Variants in RANBP17 observed in about 807,000 individuals in gnomAD.
The protein encoded by RANBP17 is ran-binding protein 17.
RANBP17 carries 158 observed loss-of-function variants against 141.2 expected under a neutral mutation model. The ratio of observed to expected loss-of-function variants is 1.12; its 90% confidence interval spans 0.98 to 1.28. The LOEUF (loss-of-function observed/expected upper bound fraction) is 1.28, where lower values mean the gene tolerates loss of function less well. Ranked by LOEUF, RANBP17 falls within the 50% of genes most tolerant of loss-of-function variation. RANBP17 has a pLI of 0.00. For synonymous variants in RANBP17, 430 were observed against 450.0 expected (o/e 0.96, Z 0.56); for missense variants, 1,438 against 1,290.7 (o/e 1.11, Z -1.75).
chr5:170,942,599 A>G (rs1484002578), intron 12 of RANBP17, among the ~76,000 whole-genome samples: 2 of 152,244 alleles, frequency 1.3e-5, no homozygotes, highest in South Asian at 2.1e-4. Flanking sequence ...CAAAAGAATA[A>G]TAAGCATTAA....
intron 8 of RANBP17, among the ~76,000 whole-genome samples, chr5:170,915,350 A>G (rs1298058198): frequency 2.6e-5 from 4 of 152,156 alleles, no homozygotes; most frequent in Non-Finnish European, 5.9e-5. Context: ...ATGTAGACCC[A>G]GAAAAACAGA....
At chr5:171,037,506 C>T (rs1307529369) in intron 14 of RANBP17, among the ~76,000 whole-genome samples, 1 of 152,120 alleles carries the variant, frequency 6.6e-6, no homozygotes, top group East Asian at 1.9e-4. Context: ...AACATAAATT[C>T]TTTCCCATGA....
intron 14 of RANBP17, among the ~76,000 whole-genome samples, chr5:171,041,411 T>A (rs2441019): frequency 0.68 from 102,677 of 151,970 alleles, 34,918 homozygotes; most frequent in South Asian, 0.89. Flanking sequence ...TATACATAAT[T>A]TATGTATTTT....
intron 14 of RANBP17, among the ~76,000 whole-genome samples, chr5:171,063,921 G>C (rs568336987): frequency 6.6e-6 from 1 of 152,350 alleles, no homozygotes; most frequent in South Asian, 2.1e-4. Context: ...TCAGACTGCT[G>C]TGCTAGCAGT....
intron 24 of RANBP17, chr5:171,243,120 C>A: frequency 3.7e-6 from 1 of 269,164 alleles, no homozygotes; most frequent in Non-Finnish European, 6.8e-6. Context: ...AACATAACCA[C>A]CACGACCAAT....
chr5:170,862,076 C>A, intron 1 of RANBP17, 25 bp downstream of exon 1: 1 of 1,445,364 alleles, frequency 6.9e-7, no homozygotes, highest in African/African-American at 1.5e-5. Context: ...CGCCGCGGGC[C>A]CGCGCTCCGC....
At position 171,221,843 on chromosome 5, in the gene RANBP17, G is replaced by T; in HGVS notation, c.2422+3G>T. ...TAGTAAAATGGTTTGCACTTATGGTGAGTGTCCTTTTCCATATGTGCCTCT... is the reference window on the plus strand; with the variant it reads ...TAGTAAAATGGTTTGCACTTATGGTTAGTGTCCTTTTCCATATGTGCCTCT... On this transcript the variant is annotated splice_donor_region_variant and intron_variant, in intron 22 of 27. Transcript: ENST00000523189. 1 of 1,547,640 alleles carries T rather than the reference G, an allele frequency of 6.5e-7. No homozygotes were observed. The highest frequency in any genetic ancestry group is 8.9e-7 in the Non-Finnish European group (1 of 1,121,296).
At chr5:170,968,060 C>T (rs776181197) in intron 13 of RANBP17, among the ~76,000 whole-genome samples, 182 bp from the exon 14 acceptor site, 1 of 151,566 alleles carries the variant, frequency 6.6e-6, no homozygotes, top group Non-Finnish European at 1.5e-5. Context: ...TGAATTAGAC[C>T]AAGTAGTAAT....
intron 14 of RANBP17, among the ~76,000 whole-genome samples, chr5:171,029,755 CA>C (rs973134708): frequency 4.1e-4 from 62 of 151,870 alleles, no homozygotes; most frequent in African/African-American, 1.4e-3. Flanking sequence ...TCTTATTTTT[CA>C]AAAAAATTTT....
intron 14 of RANBP17, among the ~76,000 whole-genome samples, chr5:171,012,056 ATTTGTTTAAACGAATATATTGTTTGTTT>A (rs1561986130): frequency 3.0e-4 from 39 of 128,744 alleles, no homozygotes; most frequent in Middle Eastern, 4.0e-3. Flanking sequence ...AAATTATATT[ATTTGTTTAAACGAATATATTGTTTGTTT>A]ATTTGTTTAA....
chr5:171,272,941 A>G (rs988239663), intron 25 of RANBP17, among the ~76,000 whole-genome samples: 2 of 152,164 alleles, frequency 1.3e-5, no homozygotes. Flanking sequence ...ACACCCATTC[A>G]TTAATTTTAT....
At chr5:171,028,894 G>A in intron 14 of RANBP17, 2 of 1,287,870 alleles carry the variant, frequency 1.6e-6, no homozygotes, top group Non-Finnish European at 2.0e-6. Flanking sequence ...TTCCTGTGAA[G>A]GGCTTGTGGC....
At chr5:171,243,801 G>A (rs1300794425) in intron 24 of RANBP17, among the ~76,000 whole-genome samples, 4 of 152,068 alleles carry the variant, frequency 2.6e-5, no homozygotes, top group East Asian at 1.9e-4. Context: ...GGGGCTGGGC[G>A]CGGTGGCTCA....
rs1452293683 is a variant in RANBP17 at position 171,294,115 on chromosome 5, G to A, written c.3042+134G>A. ...TTTGAACTGGGACCTTGCGAACTCTGTGAGGCTGTATTCCCCTACAAGGCC... is the reference window on the plus strand; with the variant it reads ...TTTGAACTGGGACCTTGCGAACTCTATGAGGCTGTATTCCCCTACAAGGCC... On this transcript the variant is annotated intron_variant, in intron 26 of 27. Coordinates refer to ENST00000523189, the MANE Select transcript of RANBP17 (RefSeq NM_022897.5). The A allele has an allele frequency of 4.1e-5, 28 of 690,686 alleles. No individual in the cohort carries two copies. The East Asian group carries it at 4.4e-4, about 11-fold the overall frequency. 42.8% of individuals were successfully genotyped at this position (690,686 alleles called of 1,614,324 possible). A position where few individuals can be genotyped will look rare whatever the true frequency, so the allele number is the denominator to read the frequency against.
At chr5:171,195,623 G>T (rs1761934567) in intron 18 of RANBP17, among the ~76,000 whole-genome samples, 1 of 152,172 alleles carries the variant, frequency 6.6e-6, no homozygotes, top group Non-Finnish European at 1.5e-5. Context: ...ACTTCATGCA[G>T]CTCCAAATTT....
At chr5:171,030,779 G>A (rs1214276814) in intron 14 of RANBP17, among the ~76,000 whole-genome samples, 2 of 152,024 alleles carry the variant, frequency 1.3e-5, no homozygotes, top group Non-Finnish European at 2.9e-5. Flanking sequence ...AAGTAGCACA[G>A]ATTTCCATTA....
chr5:171,281,401 C>T, intron 25 of RANBP17, among the ~76,000 whole-genome samples: 1 of 152,144 alleles, frequency 6.6e-6, no homozygotes, highest in East Asian at 1.9e-4. Flanking sequence ...CAAACAAGTT[C>T]CACTAAGGTC....
intron 14 of RANBP17, among the ~76,000 whole-genome samples, chr5:170,971,331 A>G (rs1273780158): frequency 1.3e-5 from 2 of 152,248 alleles, no homozygotes; most frequent in African/African-American, 4.8e-5. Context: ...TACTTTGCTC[A>G]GAACTTGAAA....
chr5:170,889,981 T>C lies in RANBP17; in HGVS notation c.257-2406T>C, dbSNP rs574439034. Among the ~76,000 whole-genome samples, 50 of 152,296 alleles carry C rather than the reference T, an allele frequency of 3.3e-4. 1 individual carries two copies. The South Asian group carries it at 0.01, about 32-fold the overall frequency. ...ATTCAGCTAAAGTAACAGAAACATA[T>C]TCTAGTGATTTTTTTTCCCTGCCTT... On this transcript the variant is annotated intron_variant, in intron 3 of 27. Transcript: ENST00000523189.
Sources: allele counts gnomAD v4.1 joint callset (sites outside exome capture counted in the v4.1 genomes callset), GRCh38; gene constraint gnomAD v4.1.1; transcripts MANE v1.5; gene names NCBI Gene and HGNC (gene_info 2026-07-23, HGNC 2026-07-21).